SAXO1: variants seen among roughly 807,000 people sequenced by gnomAD.
SAXO1 encodes the protein stabilizer of axonemal microtubules 1, also known as 4930500O09Rik.
A neutral mutation model predicts 17.5 loss-of-function variants in SAXO1; 21 were observed. That is an observed-to-expected ratio of 1.20 (90% confidence interval 0.85 to 1.72). The LOEUF (loss-of-function observed/expected upper bound fraction) is 1.72, where lower values mean the gene tolerates loss of function less well. SAXO1 is among the 40% of genes most tolerant of loss of function. SAXO1 has a pLI of 0.00. For missense variants in SAXO1, 843 were observed against 596.0 expected, an observed-to-expected ratio of 1.41 and a Z score of -4.32; for synonymous variants, 274 against 216.5, an observed-to-expected ratio of 1.27 and a Z score of -2.33.
At chr9:19,034,163 T>G (rs1835872703), upstream of SAXO1, among the ~76,000 whole-genome samples, 1 of 152,256 alleles carries the variant, frequency 6.6e-6, no homozygotes, top group South Asian at 2.1e-4. Flanking sequence ...ACAATCTTTA[T>G]GCTTTTCTTT....
intron 1 of SAXO1, among the ~76,000 whole-genome samples, chr9:18,996,155 T>C (rs189556887): frequency 6.6e-6 from 1 of 152,018 alleles, no homozygotes; most frequent in Non-Finnish European, 1.5e-5. Flanking sequence ...ATTTAATGAA[T>C]CCCCAAATAA....
intron 1 of SAXO1, among the ~76,000 whole-genome samples, chr9:18,976,204 G>A (rs1277849861): frequency 6.6e-6 from 1 of 152,220 alleles, no homozygotes; most frequent in African/African-American, 2.4e-5. Context: ...AGGGGCAGCT[G>A]AGTACTGAGT....
At chr9:18,954,113 G>C (rs1470503370) in intron 1 of SAXO1, among the ~76,000 whole-genome samples, 2 of 152,126 alleles carry the variant, frequency 1.3e-5, no homozygotes, top group African/African-American at 2.4e-5. Flanking sequence ...GGAAGGAAAA[G>C]GGAGAGAGGA....
intron 1 of SAXO1, among the ~76,000 whole-genome samples, chr9:19,013,184 G>A (rs1268806608): frequency 1.3e-5 from 2 of 151,888 alleles, no homozygotes; most frequent in East Asian, 3.9e-4. Flanking sequence ...TTAGCCAAAA[G>A]GCCGAGAAGC....
intron 2 of SAXO1, among the ~76,000 whole-genome samples, chr9:18,945,250 C>T (rs762710878): frequency 6.6e-6 from 1 of 152,164 alleles, no homozygotes; most frequent in African/African-American, 2.4e-5. Context: ...CTGGATACTC[C>T]AAGCATCACC....
At chr9:18,937,679 T>C (rs1676454995) in intron 3 of SAXO1, among the ~76,000 whole-genome samples, 1 of 152,226 alleles carries the variant, frequency 6.6e-6, no homozygotes, top group East Asian at 1.9e-4. Flanking sequence ...TGGAGGGAGC[T>C]AGCCAAGGCC....
intron 1 of SAXO1, among the ~76,000 whole-genome samples, chr9:18,978,805 C>T (rs1833255459): frequency 6.6e-6 from 1 of 152,140 alleles, no homozygotes; most frequent in African/African-American, 2.4e-5. Flanking sequence ...AATAATTTGC[C>T]CAAGAGCCAA....
chr9:19,002,080 C>A (rs1380327698), intron 1 of SAXO1, among the ~76,000 whole-genome samples: 2 of 152,136 alleles, frequency 1.3e-5, no homozygotes, highest in East Asian at 1.9e-4. Flanking sequence ...ACTGATCCCA[C>A]AGAAATACAA....
At chr9:18,944,359 G>C (rs1017828579) in intron 2 of SAXO1, among the ~76,000 whole-genome samples, 3 of 152,270 alleles carry the variant, frequency 2.0e-5, no homozygotes, top group African/African-American at 7.2e-5. Context: ...AACATTCACT[G>C]AAACCTGTCA....
At chr9:18,950,454 T>C (rs916616506) in intron 2 of SAXO1, among the ~76,000 whole-genome samples, 1 of 152,096 alleles carries the variant, frequency 6.6e-6, no homozygotes, top group Non-Finnish European at 1.5e-5. Flanking sequence ...ACTCTTTCCA[T>C]CCCTTAAATA....
chr9:18,986,924 G>C (rs570331959), intron 1 of SAXO1, among the ~76,000 whole-genome samples: 3 of 152,250 alleles, frequency 2.0e-5, no homozygotes, highest in Admixed American at 2.0e-4. Context: ...ATTGAGGAAG[G>C]GGTGCCCGTT....
intron 1 of SAXO1, among the ~76,000 whole-genome samples, chr9:19,021,335 A>T (rs571213229): frequency 1.4e-3 from 216 of 152,340 alleles, no homozygotes; most frequent in African/African-American, 5.0e-3. Context: ...ACACCGCAAG[A>T]GCCATAAGGT....
At chr9:18,938,830 G>GTGTGTGTATGTA (rs1554667865) in intron 3 of SAXO1, among the ~76,000 whole-genome samples, 2 of 147,766 alleles carry the variant, frequency 1.4e-5, no homozygotes, top group African/African-American at 5.0e-5. Context: ...GCGTGTGTGT[G>GTGTGTGTATGTA]TGTGTGTGTG....
chr9:18,961,496 C>A (rs1010774717), intron 1 of SAXO1, among the ~76,000 whole-genome samples: 3 of 151,820 alleles, frequency 2.0e-5, no homozygotes, highest in Admixed American at 2.0e-4. Context: ...CTTGCCCCCA[C>A]CCCTCAACAG....
intron 1 of SAXO1, among the ~76,000 whole-genome samples, chr9:19,020,464 A>G (rs1269336094): frequency 1.3e-5 from 2 of 150,814 alleles, no homozygotes; most frequent in African/African-American, 4.9e-5. Flanking sequence ...CCATCCTCCC[A>G]CCTCAGCATC....
At chr9:19,046,907 C>A (rs1836229941) in intron 1 of SAXO1, among the ~76,000 whole-genome samples, 2 of 152,102 alleles carry the variant, frequency 1.3e-5, no homozygotes, top group Admixed American at 1.3e-4. Context: ...GAAAAGAAGG[C>A]CAGGCGCAGT....
chr9:18,928,397 C>T lies in SAXO1; in HGVS notation c.1080G>A (p.Gln360=), dbSNP rs1342754455. ...CCAGGGGCTCGGTGGGCAAGTCCAG[C>T]TGGGGAACGGGCTTGACTGGCTCTG... is the stretch of plus-strand genomic sequence containing the variant. ...MRTEPVKPVP[Q]LDLPTEPLDC... is the part of the protein sequence containing the mutation. Residue 360 remains glutamine (Q), a synonymous_variant, in exon 4 of 4, where the codon CAG becomes CAA. Transcript: ENST00000380534. The T allele has an allele frequency of 6.2e-7, 1 of 1,610,618 alleles. No individual in the cohort carries two copies. The highest frequency in any genetic ancestry group is 1.3e-5 in the African/African-American group (1 of 74,890).
At chr9:18,962,402 G>A (rs1267513422) in intron 1 of SAXO1, among the ~76,000 whole-genome samples, 1 of 152,226 alleles carries the variant, frequency 6.6e-6, no homozygotes, top group Non-Finnish European at 1.5e-5. Flanking sequence ...AATGACCAGT[G>A]ATGAGCTTTT....
intron 1 of SAXO1, among the ~76,000 whole-genome samples, chr9:18,987,896 CA>C (rs55775001): frequency 1.2e-3 from 169 of 136,254 alleles, no homozygotes; most frequent in African/African-American, 1.8e-3. Context: ...GACCCTGTCT[CA>C]AAAAAAAAAA....
Sources: allele counts gnomAD v4.1 joint callset (sites outside exome capture counted in the v4.1 genomes callset), GRCh38; gene constraint gnomAD v4.1.1; transcripts MANE v1.5; gene names NCBI Gene and HGNC (gene_info 2026-07-23, HGNC 2026-07-21).